The following TBCD variants were observed in gnomAD, a reference collection of about 807,000 sequenced individuals.
TBCD encodes tubulin-specific chaperone D.
Under a neutral mutation model 169.3 loss-of-function variants are expected in TBCD, and 105 were observed. That is an observed-to-expected ratio of 0.62 (90% CI 0.53 to 0.73). The LOEUF (loss-of-function observed/expected upper bound fraction) is 0.73. Ranked by LOEUF, TBCD falls within the 30% of genes least tolerant of loss-of-function variation. The probability of loss-of-function intolerance (pLI) is 0.00; values close to 1 mark genes in which losing one functional copy is unlikely to be tolerated. For synonymous variants in TBCD, 700 were observed against 643.9 expected (o/e 1.09, Z -1.32); for missense variants, 1,444 against 1,600.1 (o/e 0.90, Z 1.66).
Position 82,905,483 on chromosome 17 carries a change from G to A in TBCD, c.1805-453G>A, listed in dbSNP as rs547416323. 4.1e-3 allele frequency among the ~76,000 whole-genome samples: 590 copies of A among 145,120 alleles called. 5 individuals are homozygous for A. Among genetic ancestry groups the A allele is most frequent in the African/African-American group, 0.014 (557 of 38,778 alleles). On this transcript the variant is annotated intron_variant, in intron 19 of 38. Coordinates refer to ENST00000355528, the MANE Select transcript of TBCD (RefSeq NM_005993.5). ...CGTGTGGGCGTCCCACAGGTCGTCC[G>A]TGTGTGCACGCCGTCGCCTGCCCTC...
At chr17:82,828,626 CCACA>C (rs1296875623) in intron 13 of TBCD, among the ~76,000 whole-genome samples, 7 of 151,672 alleles carry the variant, frequency 4.6e-5, no homozygotes, top group East Asian at 3.9e-4. Flanking sequence ...ACATGCACAC[CCACA>C]CAATCGAATG....
chr17:82,765,590 C>T (rs551826046), intron 3 of TBCD, among the ~76,000 whole-genome samples: 2 of 152,136 alleles, frequency 1.3e-5, no homozygotes, highest in Non-Finnish European at 2.9e-5. Flanking sequence ...GAGGACACTG[C>T]GGGTGAGCTG....
Position 82,806,015 on chromosome 17 carries a change from C to T in TBCD, c.1087+4C>T, listed in dbSNP as rs749845593. On this transcript the variant is annotated splice_donor_region_variant and intron_variant, in intron 10 of 38. Transcript: ENST00000355528. This position sits in a 1 kb window ranked among gnomAD's most constrained non-coding sequence, Gnocchi z 5.1. Reference sequence around the variant, plus strand: ...GAGGGGGTGGAGCGTGTGATAGGTGCGTGGGGTCTAAGCGGCGGCCTCTGC... The same window carrying T: ...GAGGGGGTGGAGCGTGTGATAGGTGTGTGGGGTCTAAGCGGCGGCCTCTGC... 8 of 1,613,068 alleles carry T rather than the reference C, an allele frequency of 5.0e-6. No individual in the cohort carries two copies. Among genetic ancestry groups the T allele is most frequent in the Admixed American group, 3.3e-5 (2 of 59,988 alleles).
intron 1 of TBCD, 131 bp downstream of exon 1, chr17:82,752,508 G>C (rs2143706716): frequency 1.3e-6 from 1 of 755,834 alleles, no homozygotes; most frequent in African/African-American, 1.9e-5. Context: ...GCGCGGTCCC[G>C]CGGGCCGTGG....
At chr17:82,927,864 C>T (rs1366568724) in intron 29 of TBCD, 41 bp from the exon 30 acceptor site, 4 of 1,578,304 alleles carry the variant, frequency 2.5e-6, no homozygotes, top group Non-Finnish European at 3.5e-6. Flanking sequence ...TTGGAACCCC[C>T]CTCTCAAGCT....
intron 14 of TBCD, among the ~76,000 whole-genome samples, chr17:82,879,485 TC>T (rs1274651713): frequency 2.0e-5 from 3 of 152,166 alleles, no homozygotes; most frequent in Non-Finnish European, 4.4e-5. Flanking sequence ...GCTCTGTGCA[TC>T]CTCCTCACCC....
chr17:82,782,114 G>A lies in TBCD; in HGVS notation c.771+393G>A, dbSNP rs1432529551. 2.6e-5 allele frequency among the ~76,000 whole-genome samples: 4 copies of A among 152,248 alleles called. No homozygotes were observed. In the South Asian group the frequency reaches 8.3e-4, roughly 31 times the overall value. On this transcript the variant is annotated intron_variant, in intron 7 of 38. Transcript: ENST00000355528. This position sits in a 1 kb window ranked among gnomAD's most constrained non-coding sequence, Gnocchi z 5.1. Reference sequence around the variant, plus strand: ...TTCTGTTCCTTTGCACTGGGCTCGGGTTGGATGTTCCTGACTGCTTCGTTG... The same window carrying A: ...TTCTGTTCCTTTGCACTGGGCTCGGATTGGATGTTCCTGACTGCTTCGTTG...
chr17:82,810,645 A>T (rs1277844994), intron 12 of TBCD, among the ~76,000 whole-genome samples: 2 of 151,732 alleles, frequency 1.3e-5, no homozygotes, highest in Non-Finnish European at 2.9e-5. Flanking sequence ...TCGATCTGTG[A>T]CCTCCCCAGG....
intron 12 of TBCD, among the ~76,000 whole-genome samples, chr17:82,811,279 C>T (rs1009209361): frequency 2.0e-5 from 3 of 152,264 alleles, no homozygotes; most frequent in East Asian, 1.9e-4. Context: ...AGCCGCTGGG[C>T]GGCCTGCTCA....
At chr17:82,838,682 C>T (rs190687792) in intron 13 of TBCD, 165 of 985,312 alleles carry the variant, frequency 1.7e-4, no homozygotes, top group East Asian at 2.3e-4. Context: ...CCCAGCCTTT[C>T]GGTTCTTTAA....
At chr17:82,869,317 A>C (rs1287654010) in intron 13 of TBCD, among the ~76,000 whole-genome samples, 1 of 152,190 alleles carries the variant, frequency 6.6e-6, no homozygotes, top group African/African-American at 2.4e-5. Flanking sequence ...TCTATGTAAA[A>C]AATCGGGTAG....
At chr17:82,861,734 C>T (rs1340952893) in intron 13 of TBCD, among the ~76,000 whole-genome samples, 4 of 152,172 alleles carry the variant, frequency 2.6e-5, no homozygotes, top group Non-Finnish European at 5.9e-5. Flanking sequence ...GGGCTTTTTA[C>T]GTCTCTTCTA....
intron 7 of TBCD, among the ~76,000 whole-genome samples, chr17:82,796,361 C>G (rs1294594769): frequency 6.6e-6 from 1 of 152,210 alleles, no homozygotes; most frequent in East Asian, 1.9e-4. Flanking sequence ...ATATTTCACA[C>G]AAACTAAAGA....
intron 13 of TBCD, among the ~76,000 whole-genome samples, chr17:82,868,006 G>A (rs947560382): frequency 2.6e-5 from 4 of 152,202 alleles, no homozygotes; most frequent in Non-Finnish European, 5.9e-5. Context: ...CAGAGCTGCC[G>A]TGTGTGGCCG....
In TBCD at chr17:82,880,566, G is replaced by A. The variant is rs1303651754; in HGVS notation, c.1476-3579G>A. ...CGTGGAGGAACTGAAAGACCTGGGT[G>A]TGCTGCTGGATGCCCCAAGGATCTG... On this transcript the variant is annotated intron_variant, in intron 14 of 38. Transcript: ENST00000355528. The surrounding 1 kb of genome is among the most constrained non-coding windows in gnomAD (Gnocchi z 5.0). Among the ~76,000 whole-genome samples, 2 of 152,240 alleles carry A rather than the reference G, an allele frequency of 1.3e-5. No homozygotes were observed. Among genetic ancestry groups the A allele is most frequent in the Non-Finnish European group, 2.9e-5 (2 of 68,048 alleles).
At chr17:82,868,542 T>C (rs1181351370) in intron 13 of TBCD, among the ~76,000 whole-genome samples, 3 of 152,256 alleles carry the variant, frequency 2.0e-5, no homozygotes, top group Admixed American at 2.0e-4. Context: ...TTTTATGTAG[T>C]TTTAGTAAGT....
chr17:82,842,343 C>T (rs896040655), intron 13 of TBCD, among the ~76,000 whole-genome samples: 4 of 152,318 alleles, frequency 2.6e-5, no homozygotes, highest in East Asian at 1.9e-4. Flanking sequence ...TTTACCTCCT[C>T]GATTCCAGCC....
chr17:82,800,965 A>T lies in TBCD; in HGVS notation c.919A>T (p.Thr307Ser), dbSNP rs756178662. ...GVKLVQRLGL[T>S]FLKPKVAAWR... ...GAAGCTTGTGCAGCGACTGGGGCTG[A>T]CATTCCTGAAGCCGAAGGTGGCAGC... Residue 307 changes from threonine (T) to serine (S), a missense_variant, in exon 9 of 39, where the codon ACA becomes TCA. Coordinates refer to ENST00000355528, the MANE Select transcript of TBCD (RefSeq NM_005993.5). The T allele has an allele frequency of 3.7e-6, 6 of 1,611,350 alleles. No individual in the cohort carries two copies. The East Asian group carries it at 1.1e-4, about 30-fold the overall frequency.
chr17:82,875,619 G>C lies in TBCD; in HGVS notation c.1475+5239G>C, dbSNP rs569915313. On this transcript the variant is annotated intron_variant, in intron 14 of 38. Coordinates refer to ENST00000355528, the MANE Select transcript of TBCD (RefSeq NM_005993.5). ...GAGCGGCGCGGCCCAGGGAGGATCCGCCGAGGCCTGCAGATCCGAGATCTC... is the reference window on the plus strand; with the variant it reads ...GAGCGGCGCGGCCCAGGGAGGATCCCCCGAGGCCTGCAGATCCGAGATCTC... 4.6e-5 allele frequency among the ~76,000 whole-genome samples: 7 copies of C among 152,168 alleles called. No individual in the cohort carries two copies. The East Asian group carries it at 7.7e-4, about 17-fold the overall frequency.
Sources: gnomAD v4.1 joint callset for allele counts (sites outside exome capture counted in the v4.1 genomes callset) on GRCh38, gnomAD v4.1.1 for gene constraint, Gnocchi (gnomAD v3.1) non-coding constraint, MANE v1.5 for transcripts, NCBI Gene and HGNC (gene_info 2026-07-23, HGNC 2026-07-21) for gene names.